The following DLGAP2 variants were observed in gnomAD, a reference collection of about 807,000 sequenced individuals.
DLGAP2 encodes the protein disks large-associated protein 2.
A neutral mutation model predicts 100.3 loss-of-function variants in DLGAP2; 26 were observed. The ratio of observed to expected loss-of-function variants is 0.26; its 90% CI spans 0.19 to 0.36. The LOEUF (loss-of-function observed/expected upper bound fraction) is 0.36. DLGAP2 is among the 10% of genes least tolerant of loss of function. The pLI, the probability that DLGAP2 is intolerant of heterozygous loss-of-function variation, is 1.00. For synonymous variants in DLGAP2, 886 were observed against 630.1 expected (o/e 1.41, Z -6.08); for missense variants, 1,858 against 1,453.2 (o/e 1.28, Z -4.53).
chr8:886,105 A>G (rs904275799), intron 1 of DLGAP2, among the ~76,000 whole-genome samples: 11 of 152,132 alleles, frequency 7.2e-5, no homozygotes, highest in East Asian at 1.9e-4. Flanking sequence ...CAGGGATTCA[A>G]TTTCTCCCTG....
At chr8:890,375 C>G (rs1438453361) in intron 1 of DLGAP2, among the ~76,000 whole-genome samples, 1 of 152,124 alleles carries the variant, frequency 6.6e-6, no homozygotes, top group Admixed American at 6.5e-5. Flanking sequence ...TTCTGTGATT[C>G]TTTGACTTCC....
chr8:1,062,730 G>A (rs184032727), intron 2 of DLGAP2, among the ~76,000 whole-genome samples: 1 of 152,124 alleles, frequency 6.6e-6, no homozygotes, highest in Non-Finnish European at 1.5e-5. Context: ...AGCAGCTGGG[G>A]GTAGTTGGGG....
intron 2 of DLGAP2, among the ~76,000 whole-genome samples, chr8:1,211,983 G>A (rs556683527): frequency 6.6e-6 from 1 of 152,374 alleles, no homozygotes; most frequent in East Asian, 1.9e-4. Context: ...GACTGGCGCT[G>A]TGGAAACACA....
intron 3 of DLGAP2, among the ~76,000 whole-genome samples, chr8:1,344,154 C>CGTAAGTCCGTGTACTGGGTGCCCTGTG (rs1801497090): frequency 3.3e-5 from 5 of 151,394 alleles, no homozygotes; most frequent in African/African-American, 9.7e-5. Context: ...GGGGCCCTGT[C>CGTAAGTCCGTGTACTGGGTGCCCTGTG]GTGGGTCTTT....
At chr8:1,185,709 T>G (rs377693882) in intron 2 of DLGAP2, among the ~76,000 whole-genome samples, 4 of 87,184 alleles carry the variant, frequency 4.6e-5, no homozygotes, top group Non-Finnish European at 8.4e-5. Flanking sequence ...ACACTCACAC[T>G]CACACACACA....
Position 1,340,358 on chromosome 8 carries a change from G to T in DLGAP2, c.106+81475G>T, listed in dbSNP as rs1209790022. Among the ~76,000 whole-genome samples, 3 of 152,208 alleles carry T rather than the reference G, an allele frequency of 2.0e-5. No individual in the cohort carries two copies. The South Asian group carries it at 6.2e-4, about 32-fold the overall frequency. The stretch of plus-strand genomic sequence containing the variant: ...TGCATCCCACAAAGGTCTAATATCT[G>T]GCATCTATGAGGAATTTAAACACAT... On this transcript the variant is annotated intron_variant, in intron 3 of 14. Transcript: ENST00000637795.
chr8:1,097,696 C>T (rs1393019322), intron 2 of DLGAP2, among the ~76,000 whole-genome samples: 1 of 133,728 alleles, frequency 7.5e-6, no homozygotes, highest in African/African-American at 3.0e-5. Flanking sequence ...GAGAGGTCTC[C>T]TCCAGTGTGA....
chr8:1,240,083 G>A (rs1254727106), intron 2 of DLGAP2, among the ~76,000 whole-genome samples: 16 of 143,426 alleles, frequency 1.1e-4, no homozygotes, highest in Admixed American at 4.8e-4. Flanking sequence ...ACATGGTGCC[G>A]TTTCTAGTTC....
chr8:1,329,315 C>G (rs1224432574), intron 3 of DLGAP2, among the ~76,000 whole-genome samples: 1 of 152,152 alleles, frequency 6.6e-6, no homozygotes, highest in Non-Finnish European at 1.5e-5. Flanking sequence ...GTGCTGCATT[C>G]CTGAAATTTC....
chr8:1,138,909 C>A (rs1585096476), intron 2 of DLGAP2, among the ~76,000 whole-genome samples: 3 of 152,222 alleles, frequency 2.0e-5, no homozygotes, highest in African/African-American at 7.2e-5. Flanking sequence ...GAGACTCCTC[C>A]TGTTTATTTA....
At chr8:1,317,847 G>A (rs1235470999) in intron 3 of DLGAP2, among the ~76,000 whole-genome samples, 2 of 146,708 alleles carry the variant, frequency 1.4e-5, no homozygotes, top group African/African-American at 2.6e-5. Context: ...GTCTACACTC[G>A]AGACACTCAG....
At chr8:784,191 GTAATATT>G (rs1292583507) in intron 1 of DLGAP2, among the ~76,000 whole-genome samples, 1 of 152,154 alleles carries the variant, frequency 6.6e-6, no homozygotes, top group African/African-American at 2.4e-5. Flanking sequence ...AGTTTTAATG[GTAATATT>G]TAGTGTTCAT....
At position 1,549,377 on chromosome 8, in the gene DLGAP2, C is replaced by G. The variant is rs1801679061; in HGVS notation, c.924C>G (p.Thr308=). The change falls in exon 5 of 15, where the codon ACC becomes ACG. Residue 308 remains threonine, a synonymous_variant. Transcript: ENST00000637795. ...ACGACAACCTGGACAGCGACAGCACCTATCGGACGCCCAGCGTGCTCAACC... is the reference window on the plus strand; with the variant it reads ...ACGACAACCTGGACAGCGACAGCACGTATCGGACGCCCAGCGTGCTCAACC... The part of the protein sequence containing the change: ...SSDDNLDSDS[T]YRTPSVLNRH... 2 of 1,613,500 alleles carry G rather than the reference C, an allele frequency of 1.2e-6. No homozygotes were observed. The highest frequency in any genetic ancestry group is 1.3e-5 in the African/African-American group (1 of 75,058).
chr8:1,337,761 G>C (rs1046273573), intron 3 of DLGAP2, among the ~76,000 whole-genome samples: 1 of 152,118 alleles, frequency 6.6e-6, no homozygotes, highest in Non-Finnish European at 1.5e-5. Context: ...AAATACAACC[G>C]ATAAAATGGT....
chr8:1,575,382 C>G (rs1229230498), intron 6 of DLGAP2, among the ~76,000 whole-genome samples: 1 of 151,914 alleles, frequency 6.6e-6, no homozygotes, highest in Non-Finnish European at 1.5e-5. Context: ...ATGGAGGTTA[C>G]AGAAGCTGGG....
chr8:1,409,260 G>A (rs1169806632), intron 3 of DLGAP2, among the ~76,000 whole-genome samples: 1 of 148,538 alleles, frequency 6.7e-6, no homozygotes, highest in East Asian at 2.0e-4. Context: ...CTGGCCCTGA[G>A]CACAGAATTG....
At chr8:972,977 T>C (rs4477055) in intron 2 of DLGAP2, among the ~76,000 whole-genome samples, 52,902 of 152,138 alleles carry the variant, frequency 0.35, 10,657 homozygotes, top group Middle Eastern at 0.52. Flanking sequence ...GAAGAATTTT[T>C]CTTAGTACAG....
chr8:1,625,877 A>G (rs921456221), intron 6 of DLGAP2, among the ~76,000 whole-genome samples: 6 of 152,282 alleles, frequency 3.9e-5, no homozygotes, highest in African/African-American at 9.6e-5. Context: ...GCATATGGCA[A>G]AGTTACTCAT....
intron 1 of DLGAP2, among the ~76,000 whole-genome samples, chr8:902,417 T>C (rs1179317299): frequency 6.7e-6 from 1 of 149,874 alleles, no homozygotes; most frequent in African/African-American, 2.5e-5. Context: ...CGGTGTGCAG[T>C]TCGTGCTGGT....
Sources: allele counts gnomAD v4.1 joint callset (sites outside exome capture counted in the v4.1 genomes callset), GRCh38; gene constraint gnomAD v4.1.1; transcripts MANE v1.5; gene names NCBI Gene and HGNC (gene_info 2026-07-23, HGNC 2026-07-21).